C10orf90: variants seen among roughly 807,000 people sequenced by gnomAD.
C10orf90 encodes (E2-independent) E3 ubiquitin-conjugating enzyme FATS.
C10orf90 carries 56 observed loss-of-function variants against 62.5 expected under a neutral mutation model. That is an observed-to-expected ratio of 0.90 (90% CI 0.72 to 1.12). The LOEUF (loss-of-function observed/expected upper bound fraction) is 1.12, where lower values mean the gene tolerates loss of function less well. Among genes scored for constraint, C10orf90 ranks in the 50% most tolerant of loss-of-function variants. The pLI is 0.00. For synonymous variants in C10orf90, 386 were observed against 340.4 expected (o/e 1.13, Z -1.47); for missense variants, 970 against 880.4 (o/e 1.10, Z -1.29).
intron 2 of C10orf90, among the ~76,000 whole-genome samples, chr10:126,611,765 T>C (rs1174451141): frequency 6.6e-6 from 1 of 152,140 alleles, no homozygotes; most frequent in African/African-American, 2.4e-5. Context: ...AGATTTAAGG[T>C]GCTCTTGAAC....
chr10:126,553,348 G>T (rs1283654108), intron 2 of C10orf90, among the ~76,000 whole-genome samples: 1 of 152,092 alleles, frequency 6.6e-6, no homozygotes, highest in African/African-American at 2.4e-5. Context: ...ACTTAAAAAG[G>T]CACTTCATAA....
At chr10:126,470,098 G>A in intron 4 of C10orf90, 1 of 448,426 alleles carries the variant, frequency 2.2e-6, no homozygotes, top group Non-Finnish European at 4.5e-6. Flanking sequence ...CAGGGGGGAA[G>A]GCACTCTTCT....
intron 2 of C10orf90, among the ~76,000 whole-genome samples, chr10:126,533,562 G>A (rs1864159351): frequency 6.6e-6 from 1 of 152,132 alleles, no homozygotes; most frequent in Non-Finnish European, 1.5e-5. Flanking sequence ...TGGGTGATTG[G>A]GTGGTCATTC....
intron 1 of C10orf90, among the ~76,000 whole-genome samples, chr10:126,663,489 C>T (rs1846560181): frequency 6.6e-6 from 1 of 152,202 alleles, no homozygotes; most frequent in Admixed American, 6.5e-5. Flanking sequence ...AAATAGGCCT[C>T]ATGTGTCTCA....
chr10:126,451,920 G>C (rs996587928), intron 7 of C10orf90, among the ~76,000 whole-genome samples: 9 of 152,134 alleles, frequency 5.9e-5, no homozygotes, highest in African/African-American at 2.2e-4. Flanking sequence ...GTTACCAGGG[G>C]ATAGCAGGGG....
rs1845775191 is a variant in C10orf90 at position 126,627,774 on chromosome 10, G to GGCAGAGTCTTGCTA, written c.313+18777_313+18790dup. 2.6e-5 allele frequency among the ~76,000 whole-genome samples: 4 copies of GGCAGAGTCTTGCTA among 152,276 alleles called. No individual in the cohort carries two copies. The South Asian group carries it at 8.3e-4, about 32-fold the overall frequency. ...GAATTCTCCTCCCTTGTATTTTTTAGGCAGAGTCTTGCTATGCTATCCAGG... is the reference window on the plus strand; with the variant it reads ...GAATTCTCCTCCCTTGTATTTTTTAGGCAGAGTCTTGCTAGCAGAGTCTTGCTATGCTATCCAGG... On this transcript the variant is annotated intron_variant, in intron 2 of 9. Coordinates refer to ENST00000488181, the MANE Select transcript of C10orf90 (RefSeq NM_001350921.2).
chr10:126,449,210 C>G (rs2134061085), intron 7 of C10orf90, among the ~76,000 whole-genome samples: 1 of 152,146 alleles, frequency 6.6e-6, no homozygotes, highest in African/African-American at 2.4e-5. Context: ...GGATTTATGC[C>G]TGGGATGCAA....
At chr10:126,596,115 A>T (rs1397433820) in intron 2 of C10orf90, among the ~76,000 whole-genome samples, 2 of 150,740 alleles carry the variant, frequency 1.3e-5, no homozygotes, top group East Asian at 3.9e-4. Flanking sequence ...CCTGGGCTAC[A>T]TAGTGAGACC....
intron 1 of C10orf90, among the ~76,000 whole-genome samples, chr10:126,649,546 G>A (rs1283528187): frequency 6.6e-6 from 1 of 152,160 alleles, no homozygotes; most frequent in Non-Finnish European, 1.5e-5. Context: ...TCCTTCTGGA[G>A]CTTGGCTCAT....
intron 2 of C10orf90, among the ~76,000 whole-genome samples, chr10:126,619,117 G>A (rs902111627): frequency 5.9e-5 from 9 of 152,070 alleles, no homozygotes; most frequent in Non-Finnish European, 4.4e-5. Context: ...TTTTCTTTAC[G>A]TAACACCGTG....
chr10:126,464,211 G>C (rs958820331), intron 5 of C10orf90, among the ~76,000 whole-genome samples: 6 of 152,136 alleles, frequency 3.9e-5, no homozygotes, highest in Non-Finnish European at 8.8e-5. Context: ...TCCTCTGTGG[G>C]AGGCTGAGTT....
At chr10:126,641,096 G>T (rs2133843576) in intron 2 of C10orf90, among the ~76,000 whole-genome samples, 1 of 152,258 alleles carries the variant, frequency 6.6e-6, no homozygotes, top group Non-Finnish European at 1.5e-5. Flanking sequence ...GATAAATGTG[G>T]TGTCCCTTCT....
At chr10:126,639,799 T>G (rs1846024256) in intron 2 of C10orf90, among the ~76,000 whole-genome samples, 1 of 152,236 alleles carries the variant, frequency 6.6e-6, no homozygotes, top group Admixed American at 6.5e-5. Context: ...ACCAATTACT[T>G]TTTAAATTAG....
At chr10:126,584,877 T>A (rs1295925161) in intron 2 of C10orf90, among the ~76,000 whole-genome samples, 1 of 152,098 alleles carries the variant, frequency 6.6e-6, no homozygotes, top group Admixed American at 6.6e-5. Flanking sequence ...GCTCCCTGGA[T>A]GTGTTTGACA....
intron 1 of C10orf90, among the ~76,000 whole-genome samples, chr10:126,649,024 CTCTG>C (rs1189349434): frequency 1.9e-4 from 13 of 67,110 alleles, no homozygotes; most frequent in East Asian, 1.1e-3. Flanking sequence ...CTCTCTCTCT[CTCTG>C]TCTCTGTCTC....
chr10:126,593,282 A>G (rs567994275), intron 2 of C10orf90, among the ~76,000 whole-genome samples: 1 of 152,244 alleles, frequency 6.6e-6, no homozygotes, highest in African/African-American at 2.4e-5. Context: ...ACATGCATTC[A>G]ATCCAAATAC....
At chr10:126,591,122 G>C (rs182809046) in intron 2 of C10orf90, among the ~76,000 whole-genome samples, 7 of 152,272 alleles carry the variant, frequency 4.6e-5, no homozygotes, top group African/African-American at 1.7e-4. Context: ...GAGGTACAAA[G>C]AAGAGCCGGT....
intron 2 of C10orf90, among the ~76,000 whole-genome samples, chr10:126,559,770 G>A (rs1476171097): frequency 1.3e-5 from 2 of 152,138 alleles, no homozygotes; most frequent in Non-Finnish European, 2.9e-5. Context: ...GCCAAGTCAG[G>A]ATACTTTATA....
intron 4 of C10orf90, among the ~76,000 whole-genome samples, chr10:126,496,505 G>T (rs1050376307): frequency 2.0e-5 from 3 of 152,168 alleles, no homozygotes; most frequent in African/African-American, 7.2e-5. Context: ...TTGACCACAT[G>T]AAGGACAATA....
Sources: gnomAD v4.1 joint callset for allele counts (sites outside exome capture counted in the v4.1 genomes callset) on GRCh38, gnomAD v4.1.1 for gene constraint, MANE v1.5 for transcripts, NCBI Gene and HGNC (gene_info 2026-07-23, HGNC 2026-07-21) for gene names.